RPRD2: variants seen among roughly 807,000 people sequenced by gnomAD.
RPRD2 encodes regulation of nuclear pre-mRNA domain containing 2.
A neutral mutation model predicts 104.4 loss-of-function variants in RPRD2; 12 were observed. The observed-to-expected ratio is 0.11, with a 90% CI of 0.07 to 0.19. The LOEUF is 0.19. RPRD2 is among the 10% of genes least tolerant of loss of function. The pLI, the probability that RPRD2 is intolerant of heterozygous loss-of-function variation, is 1.00. For synonymous variants in RPRD2, 714 were observed against 684.9 expected, an observed-to-expected ratio of 1.04 and a Z score of -0.66; for missense variants, 1,543 against 1,790.1, an observed-to-expected ratio of 0.86 and a Z score of 2.49.
chr1:150,385,712 T>C (rs1277338685), intron 1 of RPRD2, among the ~76,000 whole-genome samples: 1 of 152,222 alleles, frequency 6.6e-6, no homozygotes, highest in Non-Finnish European at 1.5e-5. Context: ...TTCAGTATCA[T>C]CTTGCCATGT....
intron 4 of RPRD2, among the ~76,000 whole-genome samples, chr1:150,442,374 T>G: frequency 6.6e-6 from 1 of 152,106 alleles, no homozygotes; most frequent in East Asian, 1.9e-4. Context: ...ATCTCCAGAT[T>G]TGGGGGATAT....
At chr1:150,393,854 T>C (rs1227644435) in intron 1 of RPRD2, among the ~76,000 whole-genome samples, 2 of 151,968 alleles carry the variant, frequency 1.3e-5, no homozygotes, top group Non-Finnish European at 2.9e-5. Context: ...AAAGGGACTC[T>C]CCTACATTGA....
chr1:150,474,919 C>T lies in RPRD2; in HGVS notation c.*1585C>T, dbSNP rs1431858833. 6.6e-6 allele frequency: 1 copy of T among 152,150 alleles called. No homozygotes were observed. The highest frequency in any genetic ancestry group is 2.4e-5 in the African/African-American group (1 of 41,416). 9.4% of individuals were successfully genotyped at this position (152,150 alleles called of 1,614,324 possible). On this transcript the variant is annotated 3_prime_UTR_variant, in exon 11 of 11. Transcript: ENST00000369068. ...CAATGTAGTGACAGAAAATGATTCT[C>T]TCAGAATGAACTTTTCAGAGAAAGA...
intron 10 of RPRD2, among the ~76,000 whole-genome samples, chr1:150,465,723 G>T (rs67903303): frequency 1.1e-4 from 17 of 151,980 alleles, no homozygotes; most frequent in Non-Finnish European, 2.5e-4. Context: ...ATTAATTTCA[G>T]TGTTAACCAA....
chr1:150,372,035 C>T (rs1452389619), intron 1 of RPRD2, among the ~76,000 whole-genome samples: 1 of 151,980 alleles, frequency 6.6e-6, no homozygotes, highest in African/African-American at 2.4e-5. Flanking sequence ...TTGAAGCTAT[C>T]GTCTAGGTAA....
intron 1 of RPRD2, among the ~76,000 whole-genome samples, chr1:150,366,824 C>T (rs1365332094): frequency 6.6e-6 from 1 of 152,170 alleles, no homozygotes; most frequent in Non-Finnish European, 1.5e-5. Flanking sequence ...CCTATGCAAG[C>T]ATTTTACATT....
At chr1:150,391,512 AT>A (rs1189630792) in intron 1 of RPRD2, among the ~76,000 whole-genome samples, 2 of 152,202 alleles carry the variant, frequency 1.3e-5, no homozygotes, top group Non-Finnish European at 2.9e-5. Flanking sequence ...CCAGAAAAAA[AT>A]CTAAGAGATA....
chr1:150,442,495 T>C (rs1328092444), intron 4 of RPRD2, among the ~76,000 whole-genome samples: 5 of 152,154 alleles, frequency 3.3e-5, no homozygotes, highest in African/African-American at 1.2e-4. Flanking sequence ...GGGAATGGAA[T>C]ACTGCATGTG....
intron 1 of RPRD2, among the ~76,000 whole-genome samples, chr1:150,401,601 C>G (rs1471633288): frequency 2.0e-5 from 3 of 152,042 alleles, no homozygotes; most frequent in African/African-American, 7.2e-5. Context: ...CCTGGGCCTC[C>G]CAACATGCTA....
chr1:150,450,828 C>T (rs1296665893), intron 7 of RPRD2, among the ~76,000 whole-genome samples: 1 of 151,784 alleles, frequency 6.6e-6, no homozygotes, highest in African/African-American at 2.4e-5. Flanking sequence ...CCAGACTGGT[C>T]TCAAACTCCT....
At chr1:150,376,150 A>T (rs1553879416) in intron 1 of RPRD2, among the ~76,000 whole-genome samples, 1 of 152,194 alleles carries the variant, frequency 6.6e-6, no homozygotes, top group East Asian at 1.9e-4. Flanking sequence ...GAAATATTGA[A>T]ATAGAGGCTC....
intron 1 of RPRD2, among the ~76,000 whole-genome samples, chr1:150,385,353 T>G (rs1203472223): frequency 6.6e-6 from 1 of 152,094 alleles, no homozygotes; most frequent in African/African-American, 2.4e-5. Context: ...GGCATGTGCC[T>G]GTAGCCCCAA....
At chr1:150,451,842 A>G (rs782812210) in intron 7 of RPRD2, among the ~76,000 whole-genome samples, 3 of 151,280 alleles carry the variant, frequency 2.0e-5, no homozygotes, top group East Asian at 3.9e-4. Context: ...TGGTGTCCAT[A>G]TAAGAAGAGG....
chr1:150,400,055 G>A (rs2102214344), intron 1 of RPRD2, among the ~76,000 whole-genome samples: 1 of 152,214 alleles, frequency 6.6e-6, no homozygotes, highest in South Asian at 2.1e-4. Flanking sequence ...GGTCATCTTT[G>A]ATTTCTTTTA....
At chr1:150,395,885 A>AT (rs1662482135) in intron 1 of RPRD2, among the ~76,000 whole-genome samples, 1 of 152,318 alleles carries the variant, frequency 6.6e-6, no homozygotes, top group Non-Finnish European at 1.5e-5. Context: ...ATCACATGGT[A>AT]GTTCTACTTT....
chr1:150,425,021 C>A lies in RPRD2; in HGVS notation c.335+7296C>A, dbSNP rs192366376. ...GTCTAGAGATACAATGGTTTAAGAC[C>A]ATAGTCTCTGGAACCAGTGTGCATA... On this transcript the variant is annotated intron_variant, in intron 2 of 10. Coordinates refer to ENST00000369068, the MANE Select transcript of RPRD2 (RefSeq NM_015203.5). Among the ~76,000 whole-genome samples, 545 of 152,226 alleles carry A rather than the reference C, an allele frequency of 3.6e-3. 6 individuals carry two copies. The highest frequency in any genetic ancestry group is 4.7e-4 in the Non-Finnish European group (32 of 68,024).
intron 1 of RPRD2, among the ~76,000 whole-genome samples, chr1:150,383,061 T>C (rs2133129): frequency 0.61 from 91,863 of 151,668 alleles, 28,379 homozygotes; most frequent in African/African-American, 0.67. Context: ...GGTGCGATCA[T>C]GGCTCACTGC....
At position 150,470,646 on chromosome 1, in the gene RPRD2, C is replaced by A; in HGVS notation, c.1698C>A (p.Ala566=). 1 of 1,614,018 alleles carries A rather than the reference C, an allele frequency of 6.2e-7. No individual in the cohort carries two copies. The highest frequency in any genetic ancestry group is 1.1e-5 in the South Asian group (1 of 91,082). The change falls in exon 11 of 11, where the codon GCC becomes GCA. Residue 566 remains alanine, a synonymous_variant. Transcript: ENST00000369068. ...CACAGAGCACTTCAGCCTCCCCTGC[C>A]AACACCACAGTCTCTACCATAAAGG... ...AASQSTSASP[A]NTTVSTIKGR...
intron 10 of RPRD2, 69 bp downstream of exon 10, chr1:150,464,796 C>T: frequency 8.5e-7 from 1 of 1,182,790 alleles, no homozygotes; most frequent in Non-Finnish European, 1.2e-6. Flanking sequence ...ATCCTGGATT[C>T]CATTTCTGAT....
Sources: allele counts gnomAD v4.1 joint callset (sites outside exome capture counted in the v4.1 genomes callset), GRCh38; gene constraint gnomAD v4.1.1; transcripts MANE v1.5; gene names NCBI Gene and HGNC (gene_info 2026-07-23, HGNC 2026-07-21).